The following LRRTM4 variants were observed in gnomAD, a reference collection of about 807,000 sequenced individuals.
LRRTM4 encodes leucine-rich repeat transmembrane neuronal protein 4.
LRRTM4 carries 25 observed loss-of-function variants against 47.6 expected under a neutral mutation model. That is an observed-to-expected ratio of 0.53 (90% CI 0.38 to 0.73). The LOEUF (loss-of-function observed/expected upper bound fraction) is 0.73, where lower values mean the gene tolerates loss of function less well. Ranked by LOEUF, LRRTM4 falls within the 30% of genes least tolerant of loss-of-function variation. The probability of loss-of-function intolerance (pLI) is 0.00; values close to 1 mark genes in which losing one functional copy is unlikely to be tolerated. For missense variants in LRRTM4, 638 were observed against 713.4 expected, an observed-to-expected ratio of 0.89 and a Z score of 1.20; for synonymous variants, 311 against 269.5, an observed-to-expected ratio of 1.15 and a Z score of -1.51.
intron 3 of LRRTM4, among the ~76,000 whole-genome samples, chr2:76,856,820 C>A (rs1672165961): frequency 6.6e-6 from 1 of 151,850 alleles, no homozygotes; most frequent in Non-Finnish European, 1.5e-5. Flanking sequence ...AGATACACAA[C>A]AAGATTTTGA....
At position 76,897,617 on chromosome 2, in the gene LRRTM4, T is replaced by C. The variant is rs376483666; in HGVS notation, c.1552-148701A>G. Reference sequence around the variant, plus strand: ...AGGCCTTTGTTAAAGGTAGCCGTTATAGCTGTTGTCATGCCTATATCAAGT... The same window carrying C: ...AGGCCTTTGTTAAAGGTAGCCGTTACAGCTGTTGTCATGCCTATATCAAGT... On this transcript the variant is annotated intron_variant, in intron 3 of 3. Coordinates refer to ENST00000409884, the MANE Select transcript of LRRTM4 (RefSeq NM_001134745.3). 5.3e-5 allele frequency among the ~76,000 whole-genome samples: 8 copies of C among 152,300 alleles called. No homozygotes were observed. The East Asian group carries it at 1.4e-3, about 26-fold the overall frequency.
chr2:76,948,694 A>T (rs1435945709), intron 3 of LRRTM4, among the ~76,000 whole-genome samples: 3 of 151,856 alleles, frequency 2.0e-5, no homozygotes, highest in Non-Finnish European at 4.4e-5. Context: ...ATTCATTATG[A>T]TTAATAATAT....
intron 3 of LRRTM4, among the ~76,000 whole-genome samples, chr2:77,444,382 A>G (rs1311851403): frequency 6.6e-6 from 1 of 152,124 alleles, no homozygotes; most frequent in South Asian, 2.1e-4. Flanking sequence ...TCAGCCTTTC[A>G]TTATAGTGAT....
intron 3 of LRRTM4, among the ~76,000 whole-genome samples, chr2:77,128,109 C>T (rs1235293237): frequency 6.6e-6 from 1 of 150,824 alleles, no homozygotes; most frequent in Non-Finnish European, 1.5e-5. Context: ...CGCCACTGCA[C>T]TCCAGTCTGG....
intron 3 of LRRTM4, among the ~76,000 whole-genome samples, chr2:77,239,361 T>A (rs904990115): frequency 6.6e-6 from 1 of 151,908 alleles, no homozygotes; most frequent in African/African-American, 2.4e-5. Flanking sequence ...TAAATGCATG[T>A]AGTTAAAAAG....
At chr2:77,232,094 CA>C (rs1204390708) in intron 3 of LRRTM4, among the ~76,000 whole-genome samples, 3 of 152,050 alleles carry the variant, frequency 2.0e-5, no homozygotes, top group African/African-American at 7.2e-5. Flanking sequence ...CTTCTTGTAT[CA>C]AAAAAGTAGG....
At chr2:76,873,520 A>ACATATATATATATATATATATG (rs764805070) in intron 3 of LRRTM4, among the ~76,000 whole-genome samples, 154 of 143,558 alleles carry the variant, frequency 1.1e-3, no homozygotes, top group Middle Eastern at 3.6e-3. Flanking sequence ...ATATATATAT[A>ACATATATATATATATATATATG]TATATATATA....
intron 3 of LRRTM4, among the ~76,000 whole-genome samples, chr2:77,466,293 C>T (rs1676979868): frequency 6.6e-6 from 1 of 152,164 alleles, no homozygotes; most frequent in Non-Finnish European, 1.5e-5. Context: ...AAATGAATTA[C>T]TTCAGGGGAG....
intron 3 of LRRTM4, among the ~76,000 whole-genome samples, chr2:76,860,424 A>G (rs1672279308): frequency 2.0e-5 from 3 of 152,136 alleles, no homozygotes; most frequent in Non-Finnish European, 4.4e-5. Context: ...AAAACCAGAT[A>G]TTACTATGAA....
intron 3 of LRRTM4, among the ~76,000 whole-genome samples, chr2:77,024,020 G>T (rs372467621): frequency 2.0e-5 from 3 of 152,108 alleles, no homozygotes; most frequent in Admixed American, 2.0e-4. Context: ...TATCATGATC[G>T]GGCGCAAAAG....
chr2:77,088,209 C>T (rs114994099), intron 3 of LRRTM4, among the ~76,000 whole-genome samples: 108 of 152,248 alleles, frequency 7.1e-4, no homozygotes, highest in African/African-American at 2.5e-3. Flanking sequence ...CATATACTTC[C>T]AGGTGGCACA....
chr2:77,337,374 A>G (rs1013508362), intron 3 of LRRTM4, among the ~76,000 whole-genome samples: 1 of 152,086 alleles, frequency 6.6e-6, no homozygotes, highest in African/African-American at 2.4e-5. Flanking sequence ...TAAAAATATT[A>G]TTCTACAATT....
At chr2:77,003,682 G>A (rs1271490989) in intron 3 of LRRTM4, among the ~76,000 whole-genome samples, 3 of 152,100 alleles carry the variant, frequency 2.0e-5, no homozygotes, top group Non-Finnish European at 4.4e-5. Context: ...TATTAGTAGT[G>A]TGAGAACAGA....
intron 3 of LRRTM4, among the ~76,000 whole-genome samples, chr2:77,322,910 G>A (rs556954575): frequency 6.6e-6 from 1 of 151,098 alleles, no homozygotes; most frequent in South Asian, 2.1e-4. Context: ...GTCAGCATCT[G>A]ATAACTGTTA....
chr2:77,467,770 G>C (rs1366807065), intron 3 of LRRTM4, among the ~76,000 whole-genome samples: 1 of 152,132 alleles, frequency 6.6e-6, no homozygotes, highest in African/African-American at 2.4e-5. Context: ...AAATATGTGA[G>C]AGTGGTCATA....
chr2:77,322,891 A>C (rs1285272381), intron 3 of LRRTM4, among the ~76,000 whole-genome samples: 3 of 151,412 alleles, frequency 2.0e-5, no homozygotes, highest in African/African-American at 7.3e-5. Flanking sequence ...AGTTTTTCAA[A>C]ATAGAAATGT....
intron 3 of LRRTM4, among the ~76,000 whole-genome samples, chr2:77,129,129 AT>A (rs1671728942): frequency 6.6e-6 from 1 of 152,158 alleles, no homozygotes; most frequent in African/African-American, 2.4e-5. Context: ...AAATCTTTAT[AT>A]GAACATGGTA....
At chr2:77,029,130 T>C (rs971221953) in intron 3 of LRRTM4, among the ~76,000 whole-genome samples, 2 of 149,522 alleles carry the variant, frequency 1.3e-5, no homozygotes, top group Admixed American at 1.3e-4. Flanking sequence ...TTGCAGACAG[T>C]AGAATCTATG....
intron 3 of LRRTM4, among the ~76,000 whole-genome samples, chr2:77,294,326 T>G (rs1676911163): frequency 1.3e-5 from 2 of 152,124 alleles, no homozygotes; most frequent in African/African-American, 2.4e-5. Flanking sequence ...TTAATATCAG[T>G]TATCAAATAT....
Sources: gnomAD v4.1 joint callset for allele counts (sites outside exome capture counted in the v4.1 genomes callset) on GRCh38, gnomAD v4.1.1 for gene constraint, MANE v1.5 for transcripts, NCBI Gene and HGNC (gene_info 2026-07-23, HGNC 2026-07-21) for gene names.